The following STARD9 variants were observed in gnomAD, a reference collection of about 807,000 sequenced individuals.
The protein encoded by STARD9 is stAR-related lipid transfer protein 9.
STARD9 carries 346 observed loss-of-function variants against 399.8 expected under a neutral mutation model. The ratio of observed to expected loss-of-function variants is 0.87; its 90% confidence interval spans 0.79 to 0.95. STARD9 has a LOEUF of 0.95. Ranked by LOEUF, STARD9 falls within the 40% of genes least tolerant of loss-of-function variation. The pLI is 0.00. For missense variants in STARD9, 5,832 were observed against 5,667.5 expected, an observed-to-expected ratio of 1.03 and a Z score of -0.93; for synonymous variants, 2,203 against 2,143.5, an observed-to-expected ratio of 1.03 and a Z score of -0.77.
rs1384126749 is a variant in STARD9 at position 42,690,271 on chromosome 15, T to C, written c.8693T>C (p.Ile2898Thr). The C allele has an allele frequency of 2.0e-6, 3 of 1,537,216 alleles. No homozygotes were observed. The highest frequency in any genetic ancestry group is 2.6e-6 in the Non-Finnish European group (3 of 1,146,932). ...CRAGSKHSRPIPLPDQRPSAN... is the reference protein window; with the variant it reads ...CRAGSKHSRPTPLPDQRPSAN... ...GCTGGCAGCAAACATTCCAGGCCAATTCCACTGCCAGATCAAAGACCAAGC... is the reference window on the plus strand; with the variant it reads ...GCTGGCAGCAAACATTCCAGGCCAACTCCACTGCCAGATCAAAGACCAAGC... The change falls in exon 23 of 33, where the codon ATT (isoleucine) becomes ACT (threonine). Residue 2898 changes from isoleucine to threonine, a missense_variant. This residue lies in a region of STARD9 where 5,828 missense variants were observed against 5,651.1 expected (regional missense o/e 1.03). Coordinates refer to ENST00000290607, the MANE Select transcript of STARD9 (RefSeq NM_020759.3).
chr15:42,678,041 C>G (rs2060347049), intron 20 of STARD9, among the ~76,000 whole-genome samples: 1 of 152,194 alleles, frequency 6.6e-6, no homozygotes, highest in Admixed American at 6.5e-5. Flanking sequence ...CAAGGCCTCT[C>G]CCACCCACTG....
rs957719884 is a variant in STARD9, at chr15:42,684,830, A to G, written c.3252A>G (p.Thr1084=). The G allele has an allele frequency of 4.6e-6, 7 of 1,537,110 alleles. No homozygotes were observed. Among genetic ancestry groups the G allele is most frequent in the Non-Finnish European group, 6.1e-6 (7 of 1,146,934 alleles). ...TRDPDTMVPL[T]DFSPVMDHSR... ...ACCCAGACACCATGGTCCCACTCAC[A>G]GATTTCAGCCCAGTAATGGATCATT... The change falls in exon 23 of 33, where the codon ACA becomes ACG. Residue 1084 remains threonine (T), a synonymous_variant. Coordinates refer to ENST00000290607, the MANE Select transcript of STARD9 (RefSeq NM_020759.3).
chr15:42,657,790 TG>T (rs1158448789), intron 9 of STARD9, among the ~76,000 whole-genome samples: 4 of 152,214 alleles, frequency 2.6e-5, no homozygotes, highest in Non-Finnish European at 4.4e-5. Flanking sequence ...AATAGATTAC[TG>T]GAATAGAATA....
chr15:42,593,146 GAAGC>G (rs1754836630), intron 3 of STARD9, among the ~76,000 whole-genome samples: 1 of 152,156 alleles, frequency 6.6e-6, no homozygotes. Context: ...TAGTACAAGA[GAAGC>G]AAGGCTCATG....
In STARD9 at chr15:42,685,009, G is replaced by A. The variant is rs1218337415; in HGVS notation, c.3431G>A (p.Ser1144Asn). The A allele has an allele frequency of 1.3e-6, 2 of 1,537,130 alleles. No individual in the cohort carries two copies. The highest frequency in any genetic ancestry group is 8.7e-7 in the Non-Finnish European group (1 of 1,146,942). Residue 1144 changes from serine (S) to asparagine (N), a missense_variant, in exon 23 of 33, where the codon AGC becomes AAC. By Grantham distance (46) the Ser-to-Asn change is conservative. This residue lies in a region of STARD9 where 5,828 missense variants were observed against 5,651.1 expected (regional missense o/e 1.03). Transcript: ENST00000290607. ...PEPENSESDD[S>N]QLSEDSLAEK... ...CCAGAGAACTCTGAAAGTGATGACA[G>A]CCAACTATCTGAGGACTCACTGGCT...
chr15:42,685,116 A>G lies in STARD9; in HGVS notation c.3538A>G (p.Arg1180Gly), dbSNP rs1481266242. The G allele has an allele frequency of 1.3e-6, 2 of 1,537,158 alleles. No homozygotes were observed. The highest frequency in any genetic ancestry group is 1.2e-5 in the South Asian group (1 of 84,060). ...NNRGQPRTRT[R>G]ASVRGFTAAS... is the part of the protein sequence containing the mutation. ...CCGTGGCCAACCCAGGACCAGAACT[A>G]GAGCTTCTGTGAGGGGCTTCACTGC... is the stretch of plus-strand genomic sequence containing the variant. The change falls in exon 23 of 33, where the codon AGA (arginine) becomes GGA (glycine). Residue 1180 changes from arginine (R) to glycine (G), a missense_variant. Arg to Gly is a moderately radical substitution (Grantham distance 125). Coordinates refer to ENST00000290607, the MANE Select transcript of STARD9 (RefSeq NM_020759.3).
At chr15:42,719,327 CA>C (rs1229185674) in intron 32 of STARD9, 145 bp from the exon 33 acceptor site, 2 of 612,040 alleles carry the variant, frequency 3.3e-6, no homozygotes, top group Non-Finnish European at 5.8e-6. Flanking sequence ...ATCTGGATGG[CA>C]GAGCCCAGGG....
intron 7 of STARD9, among the ~76,000 whole-genome samples, chr15:42,649,323 C>T (rs886735136): frequency 3.9e-5 from 6 of 152,108 alleles, no homozygotes; most frequent in South Asian, 2.1e-4. Context: ...CCACTGCACC[C>T]GGCTCCCTCC....
Position 42,695,882 on chromosome 15 carries a change from TG to T in STARD9, c.13284+3del. ...CAGCTCCAGTTCCCAGAGAATATGG[TG>T]AGTAGGCAGATGTTGGGAATGAGCC... On this transcript the variant is annotated splice_donor_region_variant and intron_variant, in intron 26 of 32. Transcript: ENST00000290607. 1 of 1,536,662 alleles carries T rather than the reference TG, an allele frequency of 6.5e-7. No homozygotes were observed. The highest frequency in any genetic ancestry group is 8.7e-7 in the Non-Finnish European group (1 of 1,146,614).
rs1197550 is a variant in STARD9 at position 42,638,693 on chromosome 15, A to C, written c.447-7A>C. ...TAATTATGTTGCCTTTTTCTACTTA[A>C]CTCTAGTTTTCTAGAAATCTATAAT... On this transcript the variant is annotated splice_region_variant and splice_polypyrimidine_tract_variant and intron_variant, in intron 6 of 32. Transcript: ENST00000290607. 124 of 1,517,442 alleles carry C rather than the reference A, an allele frequency of 8.2e-5. No homozygotes were observed. The highest frequency in any genetic ancestry group is 1.7e-4 in the Middle Eastern group (1 of 5,908). 94.0% of individuals were successfully genotyped at this position (1,517,442 alleles called of 1,614,324 possible). A position where few individuals can be genotyped will look rare whatever the true frequency, so the allele number is the denominator to read the frequency against.
chr15:42,678,519 G>A (rs1031144085), intron 20 of STARD9, among the ~76,000 whole-genome samples: 1 of 152,172 alleles, frequency 6.6e-6, no homozygotes, highest in Admixed American at 6.5e-5. Context: ...GAATTGTAGG[G>A]GGTTAACCTT....
chr15:42,687,970 G>T lies in STARD9; in HGVS notation c.6392G>T (p.Gly2131Val). The change falls in exon 23 of 33, where the codon GGA becomes GTA. Residue 2131 changes from glycine (G) to valine (V), a missense_variant. Gly to Val is a moderately radical substitution (Grantham distance 109). Transcript: ENST00000290607. ...DDTVFRDSEA[G>V]AMEVNSIGNH... ...ACTGTCTTTAGGGATAGTGAAGCTG[G>T]AGCGATGGAGGTTAACAGCATTGGG... 6.5e-7 allele frequency: 1 copy of T among 1,537,436 alleles called. No individual in the cohort carries two copies. The highest frequency in any genetic ancestry group is 8.7e-7 in the Non-Finnish European group (1 of 1,146,966).
At chr15:42,662,718 A>G in intron 10 of STARD9, 76 bp from the exon 11 acceptor site, 1 of 917,580 alleles carries the variant, frequency 1.1e-6, no homozygotes, top group Non-Finnish European at 1.7e-6. Flanking sequence ...AGAATAACGG[A>G]TAGTATTTTT....
chr15:42,585,308 T>G (rs955898266), intron 2 of STARD9, among the ~76,000 whole-genome samples: 1 of 152,230 alleles, frequency 6.6e-6, no homozygotes, highest in African/African-American at 2.4e-5. Context: ...TAGGCAGATA[T>G]ATGATAGAAT....
At chr15:42,626,273 CTCCTCT>C (rs1422607411) in intron 3 of STARD9, among the ~76,000 whole-genome samples, 7 of 146,720 alleles carry the variant, frequency 4.8e-5, no homozygotes, top group African/African-American at 1.8e-4. Context: ...CCTCTTCCTC[CTCCTCT>C]TCCTCCTCTT....
rs771914496 is a variant in STARD9 at position 42,694,529 on chromosome 15, CA to C, written c.12773del (p.Lys4258ArgfsTer29). ...TSTWKELYAR[Q>X]KKAIETLRRE... ...TCAGCGAATCGTGTTTTGCCTCAGG[CA>C]AAAAAAGGCCATTGAGACCCTCAGG... On this transcript the variant is annotated frameshift_variant and splice_region_variant, in exon 24 of 33. Transcript: ENST00000290607. LOFTEE classifies it high-confidence loss of function. The C allele has an allele frequency of 6.5e-7, 1 of 1,536,538 alleles. No individual in the cohort carries two copies. Among genetic ancestry groups the C allele is most frequent in the African/African-American group, 1.4e-5 (1 of 73,036 alleles).
At chr15:42,650,595 G>A (rs1241350010) in intron 7 of STARD9, among the ~76,000 whole-genome samples, 1 of 152,144 alleles carries the variant, frequency 6.6e-6, no homozygotes, top group African/African-American at 2.4e-5. Flanking sequence ...GTAAACTGTG[G>A]GAGGACAGAG....
At chr15:42,606,106 T>C (rs2141779159) in intron 3 of STARD9, among the ~76,000 whole-genome samples, 1 of 152,284 alleles carries the variant, frequency 6.6e-6, no homozygotes, top group Admixed American at 6.5e-5. Flanking sequence ...AAATAGCACT[T>C]TTTGAGAACC....
intron 3 of STARD9, among the ~76,000 whole-genome samples, chr15:42,607,775 G>C (rs1174344066): frequency 1.3e-5 from 2 of 151,826 alleles, no homozygotes; most frequent in Non-Finnish European, 2.9e-5. Context: ...TTTCTAGCAA[G>C]TATTTATTTA....
Sources: allele counts gnomAD v4.1 joint callset (sites outside exome capture counted in the v4.1 genomes callset), GRCh38; gene constraint gnomAD v4.1.1; regional missense constraint gnomAD v4.1.1; transcripts MANE v1.5; gene names NCBI Gene and HGNC (gene_info 2026-07-23, HGNC 2026-07-21).